The following PAAF1 variants were observed in gnomAD, a reference collection of about 807,000 sequenced individuals.
PAAF1 encodes proteasomal ATPase associated factor 1.
Under a neutral mutation model 52.8 loss-of-function variants are expected in PAAF1, and 46 were observed. The observed-to-expected ratio is 0.87, with a 90% CI of 0.69 to 1.11. The LOEUF (loss-of-function observed/expected upper bound fraction) is 1.11. PAAF1 is among the 50% of genes most tolerant of loss of function. PAAF1 has a pLI of 0.00. For missense variants in PAAF1, 424 were observed against 477.4 expected (o/e 0.89, Z 1.04); for synonymous variants, 178 against 172.8 (o/e 1.03, Z -0.24).
chr11:73,930,989 G>C lies in PAAF1; in HGVS notation c.*3627G>C, dbSNP rs1950451180. On this transcript the variant is annotated 3_prime_UTR_variant, in exon 12 of 12. Transcript: ENST00000310571. Reference sequence around the variant, plus strand: ...AAAATGTTAAGCATTTGAGGTGATGGATATGTTAACTGGCTTCATTTAATT... The same window carrying C: ...AAAATGTTAAGCATTTGAGGTGATGCATATGTTAACTGGCTTCATTTAATT... 6.6e-6 allele frequency: 1 copy of C among 151,984 alleles called. No homozygotes were observed. 9.4% of individuals were successfully genotyped at this position (151,984 alleles called of 1,614,324 possible).
At chr11:73,902,460 T>C (rs1433552116) in intron 6 of PAAF1, among the ~76,000 whole-genome samples, 2 of 152,172 alleles carry the variant, frequency 1.3e-5, no homozygotes, top group Admixed American at 1.3e-4. Context: ...TGGCCATCCC[T>C]CTGAAGGTGT....
chr11:73,883,272 T>C (rs1948966218), intron 2 of PAAF1, among the ~76,000 whole-genome samples: 1 of 152,206 alleles, frequency 6.6e-6, no homozygotes, highest in African/African-American at 2.4e-5. Flanking sequence ...TTTTTGTTTT[T>C]AAATAACAGC....
chr11:73,889,014 G>A (rs1022814372), intron 3 of PAAF1: 2 of 519,032 alleles, frequency 3.9e-6, no homozygotes, highest in Admixed American at 6.6e-5. Context: ...CCAACTCAGA[G>A]AGGTTAATTA....
At chr11:73,881,531 G>T (rs772467657) in intron 2 of PAAF1, among the ~76,000 whole-genome samples, 19 of 152,028 alleles carry the variant, frequency 1.2e-4, no homozygotes, top group Admixed American at 3.3e-4. Flanking sequence ...CAAGTGATCC[G>T]CCCGCCTTGG....
chr11:73,924,736 A>C (rs775307266), intron 11 of PAAF1, 39 bp downstream of exon 11: 363 of 1,520,618 alleles, frequency 2.4e-4, no homozygotes, highest in Non-Finnish European at 3.0e-4. Flanking sequence ...GGTGATTCTC[A>C]TGAGAGATCT....
At chr11:73,914,081 C>G (rs12804029) in intron 7 of PAAF1, among the ~76,000 whole-genome samples, 2 of 152,090 alleles carry the variant, frequency 1.3e-5, no homozygotes, top group Non-Finnish European at 2.9e-5. Context: ...CACACACACA[C>G]AGGCACATTT....
rs1162847357 is a variant in PAAF1 at position 73,928,257 on chromosome 11, CTTTAGT to C, written c.*896_*901del. ...CTAGAGGAAGAGATGGTGGAGGGCA[CTTTAGT>C]CACAGCTGGAACCCAGGGCTCAAAA... On this transcript the variant is annotated 3_prime_UTR_variant, in exon 12 of 12. Coordinates refer to ENST00000310571, the MANE Select transcript of PAAF1 (RefSeq NM_025155.3). 9 of 152,266 alleles carry C rather than the reference CTTTAGT, an allele frequency of 5.9e-5. No individual in the cohort carries two copies. The highest frequency in any genetic ancestry group is 1.7e-4 in the African/African-American group (7 of 41,442). The allele number at this position is 152,266 out of a possible 1,614,324, so 9.4% of individuals were successfully genotyped here.
rs1949093212 is a variant in PAAF1 at position 73,887,500 on chromosome 11, T to C, written c.192+43T>C. ...CTAGATGGCATGATATTTAAAACTA[T>C]GGTAGTACCCAAACATCTACCTTAG... On this transcript the variant is annotated intron_variant, in intron 3 of 11. Transcript: ENST00000310571. The C allele has an allele frequency of 2.3e-6, 3 of 1,298,392 alleles. No individual in the cohort carries two copies. In the African/African-American group the frequency reaches 4.5e-5, roughly 19 times the overall value. 80.4% of individuals were successfully genotyped at this position (1,298,392 alleles called of 1,614,324 possible).
chr11:73,884,680 T>G (rs1412326318), intron 2 of PAAF1, among the ~76,000 whole-genome samples: 1 of 152,200 alleles, frequency 6.6e-6, no homozygotes, highest in African/African-American at 2.4e-5. Context: ...TCTGAAATAG[T>G]GCTTCATGAT....
chr11:73,915,409 C>T (rs1950037570), intron 8 of PAAF1, among the ~76,000 whole-genome samples: 1 of 152,160 alleles, frequency 6.6e-6, no homozygotes. Context: ...GAGTTCGAGA[C>T]TGGCCTGGGC....
At chr11:73,903,999 ACT>A (rs1173180977) in intron 6 of PAAF1, among the ~76,000 whole-genome samples, 1 of 150,898 alleles carries the variant, frequency 6.6e-6, no homozygotes, top group Non-Finnish European at 1.5e-5. Flanking sequence ...CAGGAGAATC[ACT>A]TGAACCTGGG....
rs764813069 is a variant in PAAF1, at chr11:73,900,287, T to C, written c.399T>C (p.His133=). The C allele has an allele frequency of 1.7e-5, 27 of 1,608,326 alleles. No homozygotes were observed. The highest frequency in any genetic ancestry group is 2.1e-5 in the Non-Finnish European group (25 of 1,176,638). The part of the protein sequence containing the change: ...NGELRRVLEG[H]VFDVNCCRFF... The stretch of plus-strand genomic sequence containing the variant: ...TTTTCCAGAGAGTATTGGAAGGACA[T>C]GTGTTTGATGTGAATTGTTGCAGGT... Residue 133 remains histidine (H), a synonymous_variant, in exon 6 of 12, where the codon CAT becomes CAC. Transcript: ENST00000310571.
At chr11:73,887,224 G>A in intron 2 of PAAF1, 130 bp from the exon 3 acceptor site, 1 of 587,108 alleles carries the variant, frequency 1.7e-6, no homozygotes. Flanking sequence ...TTTAACACAG[G>A]CACCTGTTTT....
rs148800310 is a variant in PAAF1, at chr11:73,921,546, T to C, written c.1018+2514T>C. 2.4e-3 allele frequency: 1,272 copies of C among 539,852 alleles called. 15 individuals are homozygous for C. Among genetic ancestry groups the C allele is most frequent in the African/African-American group, 0.022 (1,138 of 52,154 alleles). 33.4% of individuals were successfully genotyped at this position (539,852 alleles called of 1,614,324 possible). On this transcript the variant is annotated intron_variant, in intron 10 of 11. Coordinates refer to ENST00000310571, the MANE Select transcript of PAAF1 (RefSeq NM_025155.3). ...ATCAAGAGTTTTTCAAGTAAAGACA[T>C]GGTCTTCTCTCTTCTGTATAAAACT...
At chr11:73,902,098 G>A (rs1282834664) in intron 6 of PAAF1, among the ~76,000 whole-genome samples, 1 of 151,910 alleles carries the variant, frequency 6.6e-6, no homozygotes, top group Non-Finnish European at 1.5e-5. Context: ...CTGGCCTCAA[G>A]TGATCTGCCT....
At chr11:73,898,058 C>T (rs1028949605) in intron 4 of PAAF1, among the ~76,000 whole-genome samples, 1 of 152,182 alleles carries the variant, frequency 6.6e-6, no homozygotes, top group Non-Finnish European at 1.5e-5. Flanking sequence ...CGGCGCGCGC[C>T]TGCAATTGCA....
At position 73,927,429 on chromosome 11, in the gene PAAF1, C is replaced by G; in HGVS notation, c.*67C>G. 1 of 1,303,422 alleles carries G rather than the reference C, an allele frequency of 7.7e-7. No individual in the cohort carries two copies. The highest frequency in any genetic ancestry group is 1.1e-6 in the Non-Finnish European group (1 of 904,042). 80.7% of individuals were successfully genotyped at this position (1,303,422 alleles called of 1,614,324 possible). On this transcript the variant is annotated 3_prime_UTR_variant, in exon 12 of 12. Coordinates refer to ENST00000310571, the MANE Select transcript of PAAF1 (RefSeq NM_025155.3). ...CCTGATCAACAATGAGCAGAAACAT[C>G]ATCAGTCCTTCCCAAGGACCATGGC...
At chr11:73,914,349 T>C in intron 7 of PAAF1, 64 bp from the exon 8 acceptor site, 1 of 1,340,108 alleles carries the variant, frequency 7.5e-7, no homozygotes, top group Non-Finnish European at 1.1e-6. Context: ...TCAGTATTGG[T>C]GCTGTGTGGG....
chr11:73,920,506 G>A (rs1432462221), intron 10 of PAAF1, among the ~76,000 whole-genome samples: 1 of 151,888 alleles, frequency 6.6e-6, no homozygotes, highest in African/African-American at 2.4e-5. Flanking sequence ...TTTCACCCTG[G>A]GTGACAAAGC....
Sources: gnomAD v4.1 joint callset for allele counts (sites outside exome capture counted in the v4.1 genomes callset) on GRCh38, gnomAD v4.1.1 for gene constraint, MANE v1.5 for transcripts, NCBI Gene and HGNC (gene_info 2026-07-23, HGNC 2026-07-21) for gene names.